Variants in DOK6 observed in about 807,000 individuals in gnomAD.
DOK6 encodes docking protein 6.
Under a neutral mutation model 44.0 loss-of-function variants are expected in DOK6, and 22 were observed. The ratio of observed to expected loss-of-function variants is 0.50; its 90% confidence interval spans 0.36 to 0.71. The LOEUF is 0.71. Among genes scored for constraint, DOK6 ranks in the 30% least tolerant of loss-of-function variants. The pLI is 0.00. For missense variants in DOK6, 340 were observed against 416.4 expected, an observed-to-expected ratio of 0.82 and a Z score of 1.60; for synonymous variants, 166 against 145.5, an observed-to-expected ratio of 1.14 and a Z score of -1.01.
chr18:69,539,587 C>T (rs1982214645), intron 1 of DOK6, among the ~76,000 whole-genome samples: 1 of 151,710 alleles, frequency 6.6e-6, no homozygotes, highest in Non-Finnish European at 1.5e-5. Context: ...CATATGTATC[C>T]TGGATAGATT....
intron 1 of DOK6, among the ~76,000 whole-genome samples, chr18:69,499,596 A>G (rs1230144033): frequency 6.6e-6 from 1 of 152,154 alleles, no homozygotes; most frequent in African/African-American, 2.4e-5. Flanking sequence ...ATGTAAATAT[A>G]ATTCCCAACT....
rs377392507 is a variant in DOK6 at position 69,552,560 on chromosome 18, A to T, written c.67-11927A>T. ...TATTTATTGATAAGGCATGAAGTTC[A>T]GAACATTTGCTATGTGAATAAGAGG... On this transcript the variant is annotated intron_variant, in intron 1 of 7. Transcript: ENST00000382713. 2.3e-3 allele frequency among the ~76,000 whole-genome samples: 350 copies of T among 152,346 alleles called. 19 individuals carry two copies. The South Asian group carries it at 0.071, about 31-fold the overall frequency.
chr18:69,774,068 T>C (rs1979969394), intron 7 of DOK6, among the ~76,000 whole-genome samples: 1 of 145,164 alleles, frequency 6.9e-6, no homozygotes, highest in African/African-American at 2.5e-5. Context: ...TATATAGATA[T>C]ATATATATGA....
rs1285479180 is a variant in DOK6, at chr18:69,562,673, G to T, written c.67-1814G>T. Reference sequence around the variant, plus strand: ...TTCAAGATGGATGAAAGACTTAAATGTCAGACCTAAAACCATAAAAACCCT... The same window carrying T: ...TTCAAGATGGATGAAAGACTTAAATTTCAGACCTAAAACCATAAAAACCCT... On this transcript the variant is annotated intron_variant, in intron 1 of 7. Coordinates refer to ENST00000382713, the MANE Select transcript of DOK6 (RefSeq NM_152721.6). Among the ~76,000 whole-genome samples the T allele has an allele frequency of 2.0e-5, 3 of 152,148 alleles. No homozygotes were observed. The East Asian group carries it at 5.8e-4, about 29-fold the overall frequency.
intron 1 of DOK6, among the ~76,000 whole-genome samples, chr18:69,474,310 T>C (rs1320713001): frequency 1.3e-5 from 2 of 152,138 alleles, no homozygotes; most frequent in South Asian, 2.1e-4. Context: ...TTACTTTCTT[T>C]CTTGAAATCG....
intron 2 of DOK6, among the ~76,000 whole-genome samples, chr18:69,593,976 A>G (rs1983680974): frequency 6.6e-6 from 1 of 152,196 alleles, no homozygotes; most frequent in African/African-American, 2.4e-5. Context: ...TATCTTTTCA[A>G]ACATAACTTC....
intron 5 of DOK6, among the ~76,000 whole-genome samples, chr18:69,708,002 G>A (rs1169820248): frequency 2.6e-5 from 4 of 152,186 alleles, no homozygotes; most frequent in Non-Finnish European, 4.4e-5. Context: ...GCAGAGCACG[G>A]ATGGTTCCTT....
chr18:69,794,131 T>C (rs1474133397), intron 7 of DOK6, among the ~76,000 whole-genome samples: 1 of 152,210 alleles, frequency 6.6e-6, no homozygotes, highest in Non-Finnish European at 1.5e-5. Context: ...AATCCTGTTA[T>C]GTGTCTTATG....
At chr18:69,553,531 G>A (rs1350509624) in intron 1 of DOK6, among the ~76,000 whole-genome samples, 1 of 152,176 alleles carries the variant, frequency 6.6e-6, no homozygotes, top group Non-Finnish European at 1.5e-5. Flanking sequence ...TTGGTTTTGT[G>A]ATCTTTGCCA....
At chr18:69,799,421 A>T (rs1452789324) in intron 7 of DOK6, among the ~76,000 whole-genome samples, 1 of 152,062 alleles carries the variant, frequency 6.6e-6, no homozygotes, top group African/African-American at 2.4e-5. Context: ...AGAATCAACT[A>T]TGAAAAGCAC....
At chr18:69,606,128 C>T (rs1983989047) in intron 3 of DOK6, among the ~76,000 whole-genome samples, 1 of 151,702 alleles carries the variant, frequency 6.6e-6, no homozygotes, top group African/African-American at 2.4e-5. Flanking sequence ...AAAAATTAGC[C>T]GGGCGTGGTG....
chr18:69,654,927 G>A (rs747317012), intron 3 of DOK6, among the ~76,000 whole-genome samples: 5 of 152,122 alleles, frequency 3.3e-5, no homozygotes, highest in Non-Finnish European at 7.4e-5. Context: ...GTATGGTGGT[G>A]TGCACCTGTA....
intron 1 of DOK6, among the ~76,000 whole-genome samples, chr18:69,425,797 C>T (rs944725328): frequency 1.3e-5 from 2 of 151,908 alleles, no homozygotes; most frequent in African/African-American, 2.4e-5. Flanking sequence ...TATTCCTTGA[C>T]TTTATTTCAC....
chr18:69,633,752 T>C (rs1984741225), intron 3 of DOK6, among the ~76,000 whole-genome samples: 4 of 152,184 alleles, frequency 2.6e-5, no homozygotes, highest in African/African-American at 4.8e-5. Context: ...CACTCTCAAA[T>C]TCTGGCAAAA....
chr18:69,705,280 T>C (rs897907440), intron 5 of DOK6: 6 of 152,248 alleles, frequency 3.9e-5, no homozygotes, highest in Non-Finnish European at 8.8e-5. Context: ...GTTTTCCCTG[T>C]AAAACTTTGT....
intron 7 of DOK6, among the ~76,000 whole-genome samples, chr18:69,763,112 G>A (rs889445091): frequency 2.6e-5 from 4 of 152,110 alleles, no homozygotes; most frequent in Admixed American, 6.6e-5. Context: ...TTTCCCCATT[G>A]TATTCTAGTA....
intron 7 of DOK6, among the ~76,000 whole-genome samples, chr18:69,767,238 GA>G (rs201617592): frequency 1.2e-4 from 18 of 147,406 alleles, no homozygotes; most frequent in South Asian, 6.4e-4. Flanking sequence ...TATCTCAAAA[GA>G]AAAAAAAAAT....
chr18:69,731,720 A>G (rs896203362), intron 5 of DOK6, among the ~76,000 whole-genome samples: 11 of 152,310 alleles, frequency 7.2e-5, no homozygotes, highest in African/African-American at 2.6e-4. Flanking sequence ...AAAAAGCATA[A>G]CTCTTCTCTA....
At chr18:69,401,605 A>G (rs1206633356) in intron 1 of DOK6, among the ~76,000 whole-genome samples, 1 of 152,096 alleles carries the variant, frequency 6.6e-6, no homozygotes, top group Non-Finnish European at 1.5e-5. Context: ...CCAACGAGGA[A>G]CGTGCCTTGG....
Sources: gnomAD v4.1 joint callset for allele counts (sites outside exome capture counted in the v4.1 genomes callset) on GRCh38, gnomAD v4.1.1 for gene constraint, MANE v1.5 for transcripts, NCBI Gene and HGNC (gene_info 2026-07-23, HGNC 2026-07-21) for gene names.